CTBP2: variants seen among roughly 807,000 people sequenced by gnomAD.
CTBP2 encodes C-terminal-binding protein 2.
In CTBP2, 30 loss-of-function variants were observed where a neutral mutation model predicts 80.3. That is an observed-to-expected ratio of 0.37 (90% CI 0.28 to 0.51). CTBP2 has a LOEUF of 0.51. Among genes scored for constraint, CTBP2 ranks in the 20% least tolerant of loss-of-function variants. CTBP2 has a pLI of 0.93. For missense variants in CTBP2, 1,212 were observed against 1,375.3 expected, an observed-to-expected ratio of 0.88 and a Z score of 1.88; for synonymous variants, 594 against 587.4, an observed-to-expected ratio of 1.01 and a Z score of -0.16.
intron 1 of CTBP2, among the ~76,000 whole-genome samples, chr10:125,009,581 C>T (rs1236961082): frequency 6.6e-6 from 1 of 152,250 alleles, no homozygotes; most frequent in Non-Finnish European, 1.5e-5. Flanking sequence ...CCGATCCCCA[C>T]TGGCTGAGCT....
At position 124,987,642 on chromosome 10, in the gene CTBP2, A is replaced by G. The variant is rs376920298; in HGVS notation, c.*1876T>C. The G allele has an allele frequency of 2.0e-5, 3 of 152,106 alleles. No individual in the cohort carries two copies. The highest frequency in any genetic ancestry group is 3.8e-4 in the East Asian group (2 of 5,196). 9.4% of individuals were successfully genotyped at this position (152,106 alleles called of 1,614,324 possible). On this transcript the variant is annotated 3_prime_UTR_variant, in exon 9 of 9. Coordinates refer to ENST00000309035, the MANE Select transcript of CTBP2 (RefSeq NM_022802.3). ...GTAACTATGAGCGCCGTCTCTCTCC[A>G]TGTGAGCTTGTGTTAATAGACACTT...
At chr10:125,099,654 G>A (rs756540016) in intron 2 of CTBP2, among the ~76,000 whole-genome samples, 2 of 152,214 alleles carry the variant, frequency 1.3e-5, no homozygotes, top group Non-Finnish European at 2.9e-5. Flanking sequence ...CTCTTGAGTT[G>A]TCAAAAACCC....
intron 2 of CTBP2, among the ~76,000 whole-genome samples, chr10:125,107,907 T>C (rs1224533818): frequency 6.6e-6 from 1 of 152,264 alleles, no homozygotes; most frequent in East Asian, 1.9e-4. Flanking sequence ...GGATTTGATT[T>C]GCATTCCCCC....
intron 2 of CTBP2, among the ~76,000 whole-genome samples, chr10:125,071,998 G>A (rs1170693303): frequency 6.6e-6 from 1 of 152,116 alleles, no homozygotes; most frequent in Non-Finnish European, 1.5e-5. Context: ...GCCAGTCTGG[G>A]CCCTAGACAT....
intron 1 of CTBP2, among the ~76,000 whole-genome samples, chr10:125,008,310 C>T (rs1955488718): frequency 6.6e-6 from 1 of 152,212 alleles, no homozygotes. Flanking sequence ...CCGTAGCAGT[C>T]TCAAGACACC....
At chr10:125,005,654 G>C in intron 1 of CTBP2, 1 of 1,612,908 alleles carries the variant, frequency 6.2e-7, no homozygotes, top group Non-Finnish European at 8.5e-7. Context: ...CGAGGAACCC[G>C]ACACACATGG....
Position 124,988,607 on chromosome 10 carries a change from T to C in CTBP2, c.*911A>G, listed in dbSNP as rs1952171944. ...ATGTAACTAGTTGATACAAATCTAA[T>C]AGGATTTGTTAAAATCAGTCACATC... On this transcript the variant is annotated 3_prime_UTR_variant, in exon 9 of 9. Transcript: ENST00000309035. 1 of 152,672 alleles carries C rather than the reference T, an allele frequency of 6.5e-6. No homozygotes were observed. Among genetic ancestry groups the C allele is most frequent in the Admixed American group, 6.5e-5 (1 of 15,288 alleles). The allele number at this position is 152,672 out of a possible 1,614,324, so 9.5% of individuals were successfully genotyped here. A position where few individuals can be genotyped will look rare whatever the true frequency, so the allele number is the denominator to read the frequency against.
At chr10:125,121,887 G>A (rs960615851) in intron 1 of CTBP2, among the ~76,000 whole-genome samples, 5 of 152,176 alleles carry the variant, frequency 3.3e-5, no homozygotes, top group African/African-American at 7.2e-5. Flanking sequence ...AGTGAGTTCC[G>A]ACCACCCAAC....
upstream of CTBP2, among the ~76,000 whole-genome samples, chr10:125,161,923 C>G (rs975907801): frequency 2.0e-5 from 3 of 152,142 alleles, no homozygotes; most frequent in Non-Finnish European, 2.9e-5. Flanking sequence ...GCCTGGGAAT[C>G]CAGGCCCAGC....
chr10:125,154,972 C>T (rs1236302172), intron 1 of CTBP2, among the ~76,000 whole-genome samples: 1 of 152,236 alleles, frequency 6.6e-6, no homozygotes, highest in Non-Finnish European at 1.5e-5. Context: ...AAAATAAACA[C>T]AACTTCCTCC....
chr10:125,120,412 A>C (rs1419444403), intron 1 of CTBP2, among the ~76,000 whole-genome samples: 1 of 152,202 alleles, frequency 6.6e-6, no homozygotes, highest in African/African-American at 2.4e-5. Context: ...TTTGAGACGG[A>C]GTCTCACCCT....
At position 125,026,318 on chromosome 10, in the gene CTBP2, G is replaced by A. The variant is rs1211802780; in HGVS notation, c.1442C>T (p.Ser481Phe). ...CTCCATGGGCACCGTGTATGCCGTGGAGTAGGCTGTTCTGGGGCCTGGGTG... is the reference window on the plus strand; with the variant it reads ...CTCCATGGGCACCGTGTATGCCGTGAAGTAGGCTGTTCTGGGGCCTGGGTG... Residue 481 changes from serine (S) to phenylalanine (F), a missense_variant, in exon 1 of 9, where the codon TCC becomes TTC. Ser to Phe is a radical substitution (Grantham distance 155, BLOSUM62 -2). Around this residue, in one of 3 missense-constraint regions of CTBP2, gnomAD observed 848 missense variants for 782.3 expected, o/e 1.08. Coordinates refer to ENST00000309035, the MANE Select transcript of CTBP2 (RefSeq NM_022802.3). 3 of 1,613,924 alleles carry A rather than the reference G, an allele frequency of 1.9e-6. No homozygotes were observed. Among genetic ancestry groups the A allele is most frequent in the Non-Finnish European group, 2.5e-6 (3 of 1,179,970 alleles).
rs927603538 is a variant in CTBP2, at chr10:125,012,531, G to T, written c.1679-9039C>A. Among the ~76,000 whole-genome samples the T allele has an allele frequency of 2.6e-5, 4 of 152,102 alleles. No individual in the cohort carries two copies. In the South Asian group the frequency reaches 8.3e-4, roughly 32 times the overall value. ...ACGCCAAGGTCAGATGCGCCCTGGG[G>T]TTCTCACTCCCCCACCTGCCTGTGC... On this transcript the variant is annotated intron_variant, in intron 1 of 8. Coordinates refer to ENST00000309035, the MANE Select transcript of CTBP2 (RefSeq NM_022802.3).
intron 2 of CTBP2, among the ~76,000 whole-genome samples, chr10:125,099,936 A>G (rs1850350949): frequency 6.6e-6 from 1 of 152,226 alleles, no homozygotes; most frequent in Non-Finnish European, 1.5e-5. Flanking sequence ...GCTCAGATTC[A>G]GTCCTAAGGC....
chr10:125,115,031 C>CCTA (rs1397478760), intron 1 of CTBP2, among the ~76,000 whole-genome samples: 3 of 151,960 alleles, frequency 2.0e-5, no homozygotes, highest in African/African-American at 7.3e-5. Flanking sequence ...GGCTCCTCCT[C>CCTA]CTACTACTGT....
rs1589916831 is a variant in CTBP2 at position 124,994,079 on chromosome 10, G to A, written c.2401-94C>T. ...AAGAAGAAAGCTGCAAGCTAGTTTT[G>A]TTGGTCTGGTGGTTTAATGTGTGTG... On this transcript the variant is annotated intron_variant, in intron 5 of 8. Transcript: ENST00000309035. 2.0e-6 allele frequency: 3 copies of A among 1,534,774 alleles called. No homozygotes were observed. In the East Asian group the frequency reaches 6.8e-5, roughly 35 times the overall value.
At position 125,010,219 on chromosome 10, in the gene CTBP2, T is replaced by TAAA. The variant is rs59517853; in HGVS notation, c.1679-6730_1679-6728dup. On this transcript the variant is annotated intron_variant, in intron 1 of 8. Coordinates refer to ENST00000309035, the MANE Select transcript of CTBP2 (RefSeq NM_022802.3). ...GCTAAGAGTGGCACTATTTTAAGGT[T>TAAA]AAAAAAAAAAAAAAAAAAAAAAAGC... Among the ~76,000 whole-genome samples the TAAA allele has an allele frequency of 1.0e-3, 106 of 105,968 alleles. 1 individual carries two copies. The highest frequency in any genetic ancestry group is 2.8e-3 in the African/African-American group (77 of 27,212). The allele number at this position is 105,968 out of a possible 152,430, so 69.5% of individuals were successfully genotyped here.
At chr10:125,087,254 TAG>T (rs758012989) in intron 2 of CTBP2, among the ~76,000 whole-genome samples, 45 of 152,020 alleles carry the variant, frequency 3.0e-4, no homozygotes, top group Middle Eastern at 6.8e-3. Context: ...GTATTTTTAG[TAG>T]AGACGGGGTT....
chr10:125,028,190 C>G (rs1013694322), upstream of CTBP2, among the ~76,000 whole-genome samples: 27 of 152,314 alleles, frequency 1.8e-4, no homozygotes, highest in Non-Finnish European at 3.2e-4. Flanking sequence ...CCAGCCCTCC[C>G]AAGCTGCAAC....
Sources: gnomAD v4.1 joint callset for allele counts (sites outside exome capture counted in the v4.1 genomes callset) on GRCh38, gnomAD v4.1.1 for gene constraint, gnomAD v4.1.1 regional missense constraint, MANE v1.5 for transcripts, NCBI Gene and HGNC (gene_info 2026-07-23, HGNC 2026-07-21) for gene names.